Variants in TMEM244 observed in about 807,000 individuals in gnomAD.
TMEM244 encodes the protein putative transmembrane protein 244.
In TMEM244, 13 loss-of-function variants were observed where a neutral mutation model predicts 15.8. The ratio of observed to expected loss-of-function variants is 0.82; its 90% CI spans 0.53 to 1.30. TMEM244 has a LOEUF of 1.30. TMEM244 is among the 50% of genes most tolerant of loss of function. The probability of loss-of-function intolerance (pLI) is 0.00; values close to 1 mark genes in which losing one functional copy is unlikely to be tolerated. For missense variants in TMEM244, 161 were observed against 144.9 expected (o/e 1.11, Z -0.57); for synonymous variants, 45 against 48.7 (o/e 0.92, Z 0.32).
chr6:129,853,094 A>G (rs971617268), intron 1 of TMEM244, among the ~76,000 whole-genome samples: 3 of 152,182 alleles, frequency 2.0e-5, no homozygotes, highest in African/African-American at 2.4e-5. Flanking sequence ...ATCACCTCCA[A>G]TGGAGGAACT....
At chr6:129,844,472 A>G (rs1776536067) in intron 2 of TMEM244, among the ~76,000 whole-genome samples, 1 of 152,170 alleles carries the variant, frequency 6.6e-6, no homozygotes, top group Non-Finnish European at 1.5e-5. Flanking sequence ...CTACCTATAA[A>G]TTGAAGAGAT....
chr6:129,843,689 T>C lies in TMEM244; in HGVS notation c.120-86A>G, dbSNP rs188615774. ...AAAGTGACACACGTTACTATTTTCA[T>C]ACAAGGATAAGCTATGCGATTCACC... On this transcript the variant is annotated intron_variant, in intron 2 of 4. Coordinates refer to ENST00000368143, the MANE Select transcript of TMEM244 (RefSeq NM_001010876.2). The C allele has an allele frequency of 1.2e-5, 12 of 979,778 alleles. No homozygotes were observed. In the East Asian group the frequency reaches 2.5e-4, roughly 20 times the overall value. 60.7% of individuals were successfully genotyped at this position (979,778 alleles called of 1,614,324 possible). A position where few individuals can be genotyped will look rare whatever the true frequency, so the allele number is the denominator to read the frequency against.
Position 129,833,577 on chromosome 6 carries a change from C to T in TMEM244, c.202G>A (p.Val68Ile), listed in dbSNP as rs1318927387. 6.2e-7 allele frequency: 1 copy of T among 1,611,006 alleles called. No homozygotes were observed. The highest frequency in any genetic ancestry group is 1.3e-5 in the African/African-American group (1 of 74,718). Reference protein sequence around the residue: ...WLNINYKVLLVSTEVTYFVCG... With the variant: ...WLNINYKVLLISTEVTYFVCG... ...ACAAAGTAGGTGACCTCTGTTGAAA[C>T]TAAAAGAACTGCAAATACAAGGAAG... is the stretch of plus-strand genomic sequence containing the variant. The change falls in exon 4 of 5, where the codon GTT becomes ATT. Residue 68 changes from valine (V) to isoleucine (I), a missense_variant. Val to Ile is a conservative substitution (Grantham distance 29). Coordinates refer to ENST00000368143, the MANE Select transcript of TMEM244 (RefSeq NM_001010876.2).
chr6:129,860,098 G>T (rs1776778412), intron 1 of TMEM244, among the ~76,000 whole-genome samples: 1 of 136,276 alleles, frequency 7.3e-6, no homozygotes, highest in African/African-American at 2.8e-5. Context: ...TATTTTCTCT[G>T]CAATGCGTGT....
chr6:129,831,872 G>A (rs923186016), intron 4 of TMEM244, among the ~76,000 whole-genome samples: 1 of 152,206 alleles, frequency 6.6e-6, no homozygotes, highest in Non-Finnish European at 1.5e-5. Context: ...ATCAGTGGCT[G>A]TCTTGCAGAA....
At chr6:129,850,130 C>T (rs1371244317) in intron 1 of TMEM244, among the ~76,000 whole-genome samples, 4 of 152,160 alleles carry the variant, frequency 2.6e-5, no homozygotes, top group Non-Finnish European at 2.9e-5. Context: ...TCCGACTCAA[C>T]CCTTATGCTA....
At chr6:129,857,853 T>TAC (rs1776738784) in intron 1 of TMEM244, among the ~76,000 whole-genome samples, 1 of 129,024 alleles carries the variant, frequency 7.8e-6, no homozygotes, top group Non-Finnish European at 1.8e-5. Flanking sequence ...CATATATATG[T>TAC]ATATATATAT....
chr6:129,834,699 A>G (rs746910142), intron 3 of TMEM244, among the ~76,000 whole-genome samples: 6 of 152,198 alleles, frequency 3.9e-5, no homozygotes, highest in Non-Finnish European at 7.3e-5. Context: ...TACAGAATTC[A>G]TACTAACTCC....
chr6:129,836,576 G>C (rs749459358), intron 3 of TMEM244, among the ~76,000 whole-genome samples: 1 of 152,164 alleles, frequency 6.6e-6, no homozygotes, highest in Non-Finnish European at 1.5e-5. Context: ...TGAGTTTGAC[G>C]AGTTGACAGA....
At chr6:129,841,388 A>G (rs929784622) in intron 3 of TMEM244, among the ~76,000 whole-genome samples, 1 of 117,228 alleles carries the variant, frequency 8.5e-6, no homozygotes, top group Non-Finnish European at 1.6e-5. Flanking sequence ...ACTTGGACAC[A>G]GGGCGAGGAA....
Position 129,845,798 on chromosome 6 carries a change from C to T in TMEM244, c.88G>A (p.Val30Met). The change falls in exon 2 of 5, where the codon GTG becomes ATG. Residue 30 changes from valine to methionine, a missense_variant. Coordinates refer to ENST00000368143, the MANE Select transcript of TMEM244 (RefSeq NM_001010876.2). The part of the protein sequence containing the change: ...CVILFYTVYY[V>M]SLSMGCVMFE... ...ATCACGCAGCCCATGCTCAGGGACA[C>T]ATAGTACACAGTGTAGAAAAGAATG... 1 of 1,613,176 alleles carries T rather than the reference C, an allele frequency of 6.2e-7. No individual in the cohort carries two copies. The highest frequency in any genetic ancestry group is 8.5e-7 in the Non-Finnish European group (1 of 1,179,692).
intron 1 of TMEM244, among the ~76,000 whole-genome samples, chr6:129,846,635 AAACC>A (rs1776564408): frequency 6.6e-6 from 1 of 152,182 alleles, no homozygotes; most frequent in African/African-American, 2.4e-5. Flanking sequence ...AAATGATTCT[AAACC>A]TCAGCTGTGA....
rs531163056 is a variant in TMEM244, at chr6:129,839,527, G to A, written c.193+4003C>T. 2.0e-5 allele frequency among the ~76,000 whole-genome samples: 3 copies of A among 152,296 alleles called. No individual in the cohort carries two copies. In the South Asian group the frequency reaches 6.2e-4, roughly 32 times the overall value. On this transcript the variant is annotated intron_variant, in intron 3 of 4. Coordinates refer to ENST00000368143, the MANE Select transcript of TMEM244 (RefSeq NM_001010876.2). ...CCTTTGAAAACTGGCACAAGAAAAG[G>A]ATGCCCTCTCTCAGCACTCCTATTC...
chr6:129,849,308 A>G (rs1257308435), intron 1 of TMEM244, among the ~76,000 whole-genome samples: 1 of 152,188 alleles, frequency 6.6e-6, no homozygotes, highest in African/African-American at 2.4e-5. Context: ...AGATTTTCAA[A>G]TAATACTTTT....
At chr6:129,835,386 G>C (rs181592796) in intron 3 of TMEM244, among the ~76,000 whole-genome samples, 2 of 148,412 alleles carry the variant, frequency 1.3e-5, no homozygotes. Flanking sequence ...CTGGGTGACA[G>C]AGTGAATCTC....
rs369099342 is a variant in TMEM244 at position 129,843,795 on chromosome 6, T to C, written c.120-192A>G. 2.2e-4 allele frequency among the ~76,000 whole-genome samples: 34 copies of C among 152,324 alleles called. No homozygotes were observed. In the East Asian group the frequency reaches 3.9e-3, roughly 17 times the overall value. On this transcript the variant is annotated intron_variant, in intron 2 of 4. Coordinates refer to ENST00000368143, the MANE Select transcript of TMEM244 (RefSeq NM_001010876.2). The stretch of plus-strand genomic sequence containing the variant: ...TAATAATCTCTATAGAATCTTTTTC[T>C]GACTCAAACATCTCACTCTTCTTGC...
rs190967642 is a variant in TMEM244 at position 129,836,302 on chromosome 6, C to A, written c.194-2717G>T. ...GGGTCTGGAGTGGACCTCCAGCAAA[C>A]CCCAACAGATCTGCAGCTGAGGGGT... On this transcript the variant is annotated intron_variant, in intron 3 of 4. Transcript: ENST00000368143. 2.2e-4 allele frequency among the ~76,000 whole-genome samples: 33 copies of A among 152,260 alleles called. No individual in the cohort carries two copies. In the East Asian group the frequency reaches 5.8e-3, roughly 27 times the overall value.
intron 1 of TMEM244, among the ~76,000 whole-genome samples, chr6:129,852,780 C>G (rs544849616): frequency 7.9e-5 from 12 of 152,204 alleles, no homozygotes; most frequent in African/African-American, 2.9e-4. Context: ...CTGGTGCCAG[C>G]CACAAACCAT....
rs770519560 is a variant in TMEM244 at position 129,861,204 on chromosome 6, C to T, written c.-16G>A. Reference sequence around the variant, plus strand: ...GGAGAGCCATGTACACATCCTACGTCAAGGAGGTGATGAAAGCCCCACTCC... The same window carrying T: ...GGAGAGCCATGTACACATCCTACGTTAAGGAGGTGATGAAAGCCCCACTCC... On this transcript the variant is annotated 5_prime_UTR_variant, in exon 1 of 5. Coordinates refer to ENST00000368143, the MANE Select transcript of TMEM244 (RefSeq NM_001010876.2). 49 of 1,613,572 alleles carry T rather than the reference C, an allele frequency of 3.0e-5. 1 individual carries two copies. In the East Asian group the frequency reaches 6.0e-4, roughly 20 times the overall value.
Sources: gnomAD v4.1 joint callset for allele counts (sites outside exome capture counted in the v4.1 genomes callset) on GRCh38, gnomAD v4.1.1 for gene constraint, MANE v1.5 for transcripts, NCBI Gene and HGNC (gene_info 2026-07-23, HGNC 2026-07-21) for gene names.